The following CDADC1 variants were observed in gnomAD, a reference collection of about 807,000 sequenced individuals.
CDADC1 encodes the protein cytidine and dCMP deaminase domain containing 1.
Under a neutral mutation model 54.9 loss-of-function variants are expected in CDADC1, and 39 were observed. The ratio of observed to expected loss-of-function variants is 0.71; its 90% CI spans 0.55 to 0.93. The LOEUF (loss-of-function observed/expected upper bound fraction) is 0.93. Ranked by LOEUF, CDADC1 falls within the 40% of genes least tolerant of loss-of-function variation. The pLI is 0.00. For missense variants in CDADC1, 518 were observed against 618.8 expected, an observed-to-expected ratio of 0.84 and a Z score of 1.73; for synonymous variants, 186 against 204.0, an observed-to-expected ratio of 0.91 and a Z score of 0.75.
intron 5 of CDADC1, among the ~76,000 whole-genome samples, chr13:49,268,849 A>G (rs944378255): frequency 6.6e-6 from 1 of 152,224 alleles, no homozygotes; most frequent in East Asian, 1.9e-4. Context: ...TATGTCTTCA[A>G]TCAGCAAGTT....
chr13:49,248,298 C>T, intron 1 of CDADC1, 179 bp downstream of exon 1: 1 of 575,804 alleles, frequency 1.7e-6, no homozygotes, highest in Non-Finnish European at 3.1e-6. Context: ...GGCTCGGTCG[C>T]ACTGGCTTTT....
intron 8 of CDADC1, among the ~76,000 whole-genome samples, chr13:49,282,699 C>A (rs1953384466): frequency 6.6e-6 from 1 of 152,236 alleles, no homozygotes; most frequent in Admixed American, 6.5e-5. Context: ...TAAGAAGCTT[C>A]TTCTGTATTT....
chr13:49,264,737 G>C (rs1952775447), intron 4 of CDADC1, among the ~76,000 whole-genome samples: 1 of 150,582 alleles, frequency 6.6e-6, no homozygotes, highest in African/African-American at 2.4e-5. Context: ...AAAAAAAAAG[G>C]TATAGTGATA....
In CDADC1 at chr13:49,257,209, A is replaced by G. The variant is rs150031618; in HGVS notation, c.252+1296A>G. On this transcript the variant is annotated intron_variant, in intron 3 of 9. Coordinates refer to ENST00000251108, the MANE Select transcript of CDADC1 (RefSeq NM_030911.4). ...TGAAAAAATACATATTTTCTGAGGT[A>G]AAAAGGACTCTAGACAAAAAAGTGA... 2.0e-4 allele frequency among the ~76,000 whole-genome samples: 31 copies of G among 152,350 alleles called. No individual in the cohort carries two copies. The East Asian group carries it at 6.0e-3, about 29-fold the overall frequency.
At chr13:49,263,298 T>A (rs1445281964) in intron 4 of CDADC1, among the ~76,000 whole-genome samples, 2 of 152,216 alleles carry the variant, frequency 1.3e-5, no homozygotes, top group Admixed American at 6.5e-5. Flanking sequence ...TATTCTCTAT[T>A]ATGAGCCTGA....
At chr13:49,248,219 T>C (rs1028990478) in intron 1 of CDADC1, 100 bp downstream of exon 1, 3 of 1,069,150 alleles carry the variant, frequency 2.8e-6, no homozygotes, top group Non-Finnish European at 4.1e-6. Flanking sequence ...CCTCTTTGCC[T>C]CCCCTGCTGC....
intron 6 of CDADC1, among the ~76,000 whole-genome samples, 199 bp downstream of exon 6, chr13:49,274,539 CG>C (rs971507088): frequency 1.3e-5 from 2 of 151,414 alleles, no homozygotes; most frequent in African/African-American, 4.8e-5. Flanking sequence ...GGCGTGGTGG[CG>C]GGTGCCTGTA....
chr13:49,248,023 G>A lies in CDADC1; in HGVS notation c.-15G>A, dbSNP rs1384064794. ...GGGAGAGGTTTCCTTGGCAGCAGAG[G>A]ACGCTAGGTTTGGGATGAAAGAAGC... On this transcript the variant is annotated 5_prime_UTR_variant, in exon 1 of 10. Transcript: ENST00000251108. The A allele has an allele frequency of 2.6e-6, 4 of 1,551,710 alleles. No individual in the cohort carries two copies. The highest frequency in any genetic ancestry group is 3.5e-6 in the Non-Finnish European group (4 of 1,146,922).
intron 4 of CDADC1, among the ~76,000 whole-genome samples, chr13:49,264,039 A>G (rs1013577576): frequency 1.3e-5 from 2 of 152,244 alleles, no homozygotes; most frequent in East Asian, 1.9e-4. Flanking sequence ...ACTAATTAAC[A>G]TTAGCATTAA....
At chr13:49,287,508 A>G (rs78643440) in intron 9 of CDADC1, among the ~76,000 whole-genome samples, 1 of 139,780 alleles carries the variant, frequency 7.2e-6, no homozygotes, top group East Asian at 2.1e-4. Flanking sequence ...CTATCTATCT[A>G]TCGGTCTGTC....
chr13:49,281,448 A>G (rs1266106044), intron 8 of CDADC1, among the ~76,000 whole-genome samples: 3 of 152,180 alleles, frequency 2.0e-5, no homozygotes, highest in Non-Finnish European at 2.9e-5. Flanking sequence ...GGATGAAACT[A>G]TTCCACCTCA....
intron 4 of CDADC1, among the ~76,000 whole-genome samples, chr13:49,266,680 T>C (rs1420241335): frequency 6.6e-6 from 1 of 152,196 alleles, no homozygotes; most frequent in African/African-American, 2.4e-5. Flanking sequence ...TTTGGTCATT[T>C]AGGTTTTTGG....
intron 2 of CDADC1, among the ~76,000 whole-genome samples, chr13:49,252,938 T>C (rs1161381005): frequency 2.6e-5 from 4 of 152,244 alleles, no homozygotes; most frequent in Admixed American, 6.5e-5. Context: ...CCCAATTTTG[T>C]GCCTAATATT....
intron 5 of CDADC1, among the ~76,000 whole-genome samples, chr13:49,271,878 G>C (rs1157477406): frequency 1.3e-5 from 2 of 152,172 alleles, no homozygotes; most frequent in African/African-American, 4.8e-5. Context: ...AAAAATTATA[G>C]ACATGAAAAG....
At position 49,259,518 on chromosome 13, in the gene CDADC1, T is replaced by C. The variant is rs1392399881; in HGVS notation, c.425T>C (p.Val142Ala). Reference sequence around the variant, plus strand: ...TGTTCTGCTTGTTTGAAAATGATTGTAAATGGTAAGTGCAGAAAAGGGTTT... The same window carrying C: ...TGTTCTGCTTGTTTGAAAATGATTGCAAATGGTAAGTGCAGAAAAGGGTTT... ...KPCSACLKMI[V>A]NAGVNRISYW... The change falls in exon 4 of 10, where the codon GTA becomes GCA. Residue 142 changes from valine (V) to alanine (A), a missense_variant. Transcript: ENST00000251108. 4.3e-6 allele frequency: 7 copies of C among 1,613,710 alleles called. No homozygotes were observed. Among genetic ancestry groups the C allele is most frequent in the Non-Finnish European group, 5.1e-6 (6 of 1,179,698 alleles).
At chr13:49,259,680 A>C (rs1464855207) in intron 4 of CDADC1, among the ~76,000 whole-genome samples, 157 bp downstream of exon 4, 1 of 152,148 alleles carries the variant, frequency 6.6e-6, no homozygotes, top group African/African-American at 2.4e-5. Context: ...GGGAGACCTC[A>C]TCACTACAAA....
chr13:49,259,609 G>A lies in CDADC1; in HGVS notation c.430+86G>A, dbSNP rs1952624854. The A allele has an allele frequency of 4.6e-6, 6 of 1,311,276 alleles. No individual in the cohort carries two copies. The East Asian group carries it at 1.4e-4, about 30-fold the overall frequency. The allele number at this position is 1,311,276 out of a possible 1,614,324, so 81.2% of individuals were successfully genotyped here. A position where few individuals can be genotyped will look rare whatever the true frequency, so the allele number is the denominator to read the frequency against. ...TTTATGCCTGTCATCCCAGCACTTT[G>A]GGAGGACAAGGCAGGAGGATCGCCT... On this transcript the variant is annotated intron_variant, in intron 4 of 9. Coordinates refer to ENST00000251108, the MANE Select transcript of CDADC1 (RefSeq NM_030911.4).
chr13:49,252,358 G>C lies in CDADC1; in HGVS notation c.177+3393G>C, dbSNP rs1952455062. 2.6e-5 allele frequency among the ~76,000 whole-genome samples: 4 copies of C among 152,172 alleles called. No homozygotes were observed. In the South Asian group the frequency reaches 8.3e-4, roughly 32 times the overall value. ...TCTGGCAGTGATCTGGGTGAAAGAG[G>C]CTTTTGCATGTTAACTTGGGAACTT... On this transcript the variant is annotated intron_variant, in intron 2 of 9. Transcript: ENST00000251108.
Position 49,267,490 on chromosome 13 carries a change from C to A in CDADC1, c.431C>A (p.Ala144Asp). The change falls in exon 5 of 10, where the codon GCT becomes GAT. Residue 144 changes from alanine (A) to aspartate (D), a missense_variant and splice_region_variant. By Grantham distance (126) the Ala-to-Asp change is moderately radical. Coordinates refer to ENST00000251108, the MANE Select transcript of CDADC1 (RefSeq NM_030911.4). Reference protein sequence around the residue: ...CSACLKMIVNAGVNRISYWPA... With the variant: ...CSACLKMIVNDGVNRISYWPA... Reference sequence around the variant, plus strand: ...TTACCTTTCGTATTTTGTATTTCAGCTGGAGTTAACCGAATTTCATACTGG... The same window carrying A: ...TTACCTTTCGTATTTTGTATTTCAGATGGAGTTAACCGAATTTCATACTGG... 6.2e-7 allele frequency: 1 copy of A among 1,606,790 alleles called. No individual in the cohort carries two copies. The highest frequency in any genetic ancestry group is 8.5e-7 in the Non-Finnish European group (1 of 1,176,312).
Sources: gnomAD v4.1 joint callset for allele counts (sites outside exome capture counted in the v4.1 genomes callset) on GRCh38, gnomAD v4.1.1 for gene constraint, MANE v1.5 for transcripts, NCBI Gene and HGNC (gene_info 2026-07-23, HGNC 2026-07-21) for gene names.